Variants in TRHDE observed in about 807,000 individuals in gnomAD.
The protein encoded by TRHDE is thyrotropin-releasing hormone-degrading ectoenzyme.
Under a neutral mutation model 125.7 loss-of-function variants are expected in TRHDE, and 72 were observed. The ratio of observed to expected loss-of-function variants is 0.57; its 90% confidence interval spans 0.47 to 0.70. TRHDE has a LOEUF of 0.70. Ranked by LOEUF, TRHDE falls within the 30% of genes least tolerant of loss-of-function variation. The pLI is 0.00. For missense variants in TRHDE, 1,110 were observed against 1,327.1 expected, an observed-to-expected ratio of 0.84 and a Z score of 2.54; for synonymous variants, 509 against 509.1, an observed-to-expected ratio of 1.00 and a Z score of 0.00.
chr12:72,606,404 G>A (rs1457409344), intron 12 of TRHDE, among the ~76,000 whole-genome samples: 1 of 152,170 alleles, frequency 6.6e-6, no homozygotes, highest in Non-Finnish European at 1.5e-5. Context: ...TAGATGCATG[G>A]CACGTGATGC....
chr12:72,286,536 A>G (rs1466610051), intron 1 of TRHDE, 145 bp from the exon 2 acceptor site: 2 of 711,202 alleles, frequency 2.8e-6, no homozygotes, highest in Non-Finnish European at 2.3e-6. Flanking sequence ...TTATGCTTTC[A>G]TGCTATTCAT....
chr12:72,647,987 T>C (rs762362452), intron 15 of TRHDE, among the ~76,000 whole-genome samples: 1 of 152,076 alleles, frequency 6.6e-6, no homozygotes, highest in Non-Finnish European at 1.5e-5. Context: ...AATACCCCTA[T>C]GCAGAAATCC....
At chr12:72,624,249 T>G (rs1195865362) in intron 15 of TRHDE, among the ~76,000 whole-genome samples, 1 of 144,148 alleles carries the variant, frequency 6.9e-6, no homozygotes, top group African/African-American at 2.6e-5. Flanking sequence ...AGGAAAGAAC[T>G]TTTTTTTTTT....
intron 2 of TRHDE, among the ~76,000 whole-genome samples, chr12:72,233,726 C>T (rs993794093): frequency 6.6e-6 from 1 of 152,094 alleles, no homozygotes; most frequent in African/African-American, 2.4e-5. Flanking sequence ...GTCAACAGTA[C>T]ACGAACATGT....
intron 2 of TRHDE, among the ~76,000 whole-genome samples, chr12:72,251,140 G>A (rs943828706): frequency 1.3e-5 from 2 of 151,572 alleles, no homozygotes; most frequent in East Asian, 1.9e-4. Flanking sequence ...AGATTTTACC[G>A]GTTTTACATG....
chr12:72,601,697 G>C (rs936813404), intron 12 of TRHDE, among the ~76,000 whole-genome samples: 4 of 152,058 alleles, frequency 2.6e-5, no homozygotes, highest in African/African-American at 9.7e-5. Context: ...AAAGATTATG[G>C]ATTACTAAAC....
At chr12:72,643,566 C>T (rs1874156357) in intron 15 of TRHDE, among the ~76,000 whole-genome samples, 1 of 152,082 alleles carries the variant, frequency 6.6e-6, no homozygotes, top group Non-Finnish European at 1.5e-5. Context: ...TCAGGGTGGT[C>T]TATCTGTTAT....
rs1879269102 is a variant in TRHDE at position 72,272,605 on chromosome 12, G to T, written c.-39G>T. 7 of 825,322 alleles carry T rather than the reference G, an allele frequency of 8.5e-6. No homozygotes were observed. The highest frequency in any genetic ancestry group is 3.1e-5 in the Admixed American group (1 of 32,442). The allele number at this position is 825,322 out of a possible 1,614,324, so 51.1% of individuals were successfully genotyped here. ...TGGCCCGGGTGGCCCGCCCGCGGGGGGTGCCAGAGGGGGCGGGGGAGGAGG... is the reference window on the plus strand; with the variant it reads ...TGGCCCGGGTGGCCCGCCCGCGGGGTGTGCCAGAGGGGGCGGGGGAGGAGG... On this transcript the variant is annotated 5_prime_UTR_variant, in exon 1 of 19. Transcript: ENST00000261180. This position sits in a 1 kb window ranked among gnomAD's most constrained non-coding sequence, Gnocchi z 6.7.
At chr12:72,516,465 G>C (rs564827683) in intron 6 of TRHDE, among the ~76,000 whole-genome samples, 73 of 151,970 alleles carry the variant, frequency 4.8e-4, no homozygotes, top group Admixed American at 4.8e-3. Context: ...TGGTGTATAA[G>C]AATGCTTGTG....
intron 2 of TRHDE, among the ~76,000 whole-genome samples, chr12:72,115,894 T>A (rs1825467): frequency 0.99 from 150,030 of 152,276 alleles, 73,944 homozygotes; most frequent in East Asian, 1. Flanking sequence ...CAGAATGTGC[T>A]GGTTTGTTAC....
Position 72,543,307 on chromosome 12 carries a change from A to G in TRHDE, c.1788+951A>G, listed in dbSNP as rs534683609. ...GACAAACTCTCTCTCTATACTTAAC[A>G]CAACAGAAACTATATATAAAAATAA... is the stretch of plus-strand genomic sequence containing the variant. On this transcript the variant is annotated intron_variant, in intron 7 of 18. Coordinates refer to ENST00000261180, the MANE Select transcript of TRHDE (RefSeq NM_013381.3). 7.3e-5 allele frequency among the ~76,000 whole-genome samples: 11 copies of G among 151,664 alleles called. No homozygotes were observed. In the East Asian group the frequency reaches 2.1e-3, roughly 29 times the overall value.
Position 72,321,317 on chromosome 12 carries a change from G to A in TRHDE, c.1188+34363G>A, listed in dbSNP as rs530321138. ...TGATGGCTTCTAGGAAAGAATTGGGGATGGTGTGCACAGATAATTTTTCTC... is the reference window on the plus strand; with the variant it reads ...TGATGGCTTCTAGGAAAGAATTGGGAATGGTGTGCACAGATAATTTTTCTC... On this transcript the variant is annotated intron_variant, in intron 2 of 18. Coordinates refer to ENST00000261180, the MANE Select transcript of TRHDE (RefSeq NM_013381.3). Among the ~76,000 whole-genome samples the A allele has an allele frequency of 2.0e-4, 30 of 152,262 alleles. No individual in the cohort carries two copies. The South Asian group carries it at 6.2e-3, about 32-fold the overall frequency.
intron 2 of TRHDE, among the ~76,000 whole-genome samples, chr12:72,377,038 G>T (rs74104867): frequency 0.056 from 8,550 of 152,094 alleles, 458 homozygotes; most frequent in African/African-American, 0.13. Context: ...TAAGTAATTT[G>T]TTCAATATCA....
intron 7 of TRHDE, among the ~76,000 whole-genome samples, chr12:72,551,930 G>A (rs997135999): frequency 6.6e-6 from 1 of 152,032 alleles, no homozygotes; most frequent in Non-Finnish European, 1.5e-5. Context: ...AAAGACGGGG[G>A]TCAGGGAGAT....
At chr12:72,141,083 A>G (rs1876100984) in intron 2 of TRHDE, among the ~76,000 whole-genome samples, 1 of 152,140 alleles carries the variant, frequency 6.6e-6, no homozygotes, top group African/African-American at 2.4e-5. Context: ...AGTACATCCC[A>G]TTTAATATTT....
intron 10 of TRHDE, among the ~76,000 whole-genome samples, chr12:72,574,157 C>T (rs1452175682): frequency 6.6e-6 from 1 of 151,766 alleles, no homozygotes; most frequent in African/African-American, 2.4e-5. Flanking sequence ...AGAGAGTACT[C>T]TGTAAATGTA....
intron 15 of TRHDE, among the ~76,000 whole-genome samples, chr12:72,646,737 A>T (rs1366991240): frequency 2.0e-5 from 3 of 152,094 alleles, no homozygotes; most frequent in Non-Finnish European, 4.4e-5. Flanking sequence ...ACAAAAACAA[A>T]GAAGGGCACT....
chr12:72,288,013 A>G (rs1468247176), intron 2 of TRHDE, among the ~76,000 whole-genome samples: 1 of 151,808 alleles, frequency 6.6e-6, no homozygotes, highest in Non-Finnish European at 1.5e-5. Flanking sequence ...TAACTTGTCC[A>G]GGGGCTAAAC....
chr12:72,249,628 C>A (rs1878639939), intron 2 of TRHDE, among the ~76,000 whole-genome samples: 1 of 152,096 alleles, frequency 6.6e-6, no homozygotes, highest in African/African-American at 2.4e-5. Context: ...TATACACACA[C>A]CAGAATGGCT....
Sources: gnomAD v4.1 joint callset for allele counts (sites outside exome capture counted in the v4.1 genomes callset) on GRCh38, gnomAD v4.1.1 for gene constraint, Gnocchi (gnomAD v3.1) non-coding constraint, MANE v1.5 for transcripts, NCBI Gene and HGNC (gene_info 2026-07-23, HGNC 2026-07-21) for gene names.